The following RIMS1 variants were observed in gnomAD, a reference collection of about 807,000 sequenced individuals.
RIMS1 encodes regulating synaptic membrane exocytosis protein 1.
Under a neutral mutation model 214.1 loss-of-function variants are expected in RIMS1, and 83 were observed. The observed-to-expected ratio is 0.39, with a 90% CI of 0.32 to 0.47. The LOEUF (loss-of-function observed/expected upper bound fraction) is 0.47. Among genes scored for constraint, RIMS1 ranks in the 20% least tolerant of loss-of-function variants. The pLI is 0.99. For synonymous variants in RIMS1, 793 were observed against 786.8 expected, an observed-to-expected ratio of 1.01 and a Z score of -0.13; for missense variants, 2,050 against 2,161.8, an observed-to-expected ratio of 0.95 and a Z score of 1.03.
intron 29 of RIMS1, among the ~76,000 whole-genome samples, chr6:72,363,836 G>T (rs987901132): frequency 2.6e-5 from 4 of 152,160 alleles, no homozygotes; most frequent in African/African-American, 9.7e-5. Context: ...GTATTAAAAA[G>T]CTCCTTCTCA....
chr6:72,197,307 T>A (rs2051153128), intron 6 of RIMS1, among the ~76,000 whole-genome samples: 1 of 152,032 alleles, frequency 6.6e-6, no homozygotes, highest in Non-Finnish European at 1.5e-5. Flanking sequence ...ATTTTAAATG[T>A]GAATGAACAA....
intron 4 of RIMS1, among the ~76,000 whole-genome samples, chr6:72,108,627 A>G (rs949499516): frequency 6.6e-6 from 1 of 151,882 alleles, no homozygotes; most frequent in African/African-American, 2.4e-5. Flanking sequence ...ATTTTTCCCA[A>G]TCTATATTTG....
At chr6:72,378,385 T>C (rs2098426617) in intron 29 of RIMS1, among the ~76,000 whole-genome samples, 1 of 152,196 alleles carries the variant, frequency 6.6e-6, no homozygotes, top group Non-Finnish European at 1.5e-5. Context: ...ATCTATTCCA[T>C]TTTACAGAAT....
chr6:72,204,594 C>T (rs2052588973), intron 6 of RIMS1, among the ~76,000 whole-genome samples: 1 of 152,204 alleles, frequency 6.6e-6, no homozygotes, highest in African/African-American at 2.4e-5. Context: ...TCTCCTCAAT[C>T]GTTCTCTTTG....
intron 1 of RIMS1, among the ~76,000 whole-genome samples, chr6:71,968,206 T>G (rs1455804678): frequency 1.3e-5 from 2 of 152,228 alleles, no homozygotes; most frequent in Non-Finnish European, 2.9e-5. Context: ...CATCCTCAGA[T>G]GGAGGTGTTT....
intron 2 of RIMS1, among the ~76,000 whole-genome samples, chr6:72,089,419 T>C (rs544380968): frequency 2.0e-5 from 3 of 152,222 alleles, no homozygotes; most frequent in African/African-American, 4.8e-5. Flanking sequence ...TTCTGCGGCT[T>C]CCTGATTGAG....
At chr6:71,949,125 G>T (rs1561947989) in intron 1 of RIMS1, among the ~76,000 whole-genome samples, 1 of 152,148 alleles carries the variant, frequency 6.6e-6, no homozygotes, top group Non-Finnish European at 1.5e-5. Context: ...GTGCTTATGG[G>T]TGTATTTTTA....
chr6:72,005,201 G>T (rs1409979597), intron 2 of RIMS1, among the ~76,000 whole-genome samples: 1 of 152,172 alleles, frequency 6.6e-6, no homozygotes, highest in Non-Finnish European at 1.5e-5. Flanking sequence ...CGTTATTTCT[G>T]AGGGCTCTGT....
chr6:72,079,590 G>A (rs1015685807), intron 2 of RIMS1, among the ~76,000 whole-genome samples: 1 of 152,124 alleles, frequency 6.6e-6, no homozygotes, highest in Admixed American at 6.6e-5. Flanking sequence ...ACAGTATGAA[G>A]CAGAAAAATA....
At chr6:72,329,685 T>C (rs1423068156) in intron 28 of RIMS1, among the ~76,000 whole-genome samples, 1 of 151,648 alleles carries the variant, frequency 6.6e-6, no homozygotes, top group Non-Finnish European at 1.5e-5. Flanking sequence ...CACAAGCATG[T>C]TAGGGAATGC....
At chr6:71,932,980 G>C (rs1365030776) in intron 1 of RIMS1, among the ~76,000 whole-genome samples, 1 of 152,100 alleles carries the variant, frequency 6.6e-6, no homozygotes, top group East Asian at 1.9e-4. Flanking sequence ...TGCTGTTCTA[G>C]GCATTAAAGG....
intron 31 of RIMS1, among the ~76,000 whole-genome samples, chr6:72,397,032 T>C (rs2098787468): frequency 6.6e-6 from 1 of 151,800 alleles, no homozygotes; most frequent in Admixed American, 6.6e-5. Context: ...AATAAATAAA[T>C]AAAGCTTAAA....
At position 72,182,653 on chromosome 6, in the gene RIMS1, G is replaced by A; in HGVS notation, c.1182G>A (p.Ala394=). ...ACGAGCGGCGCCACAGCGACGTGGCGCTCCCGCGCACCGAGGCGGGCGCGG... is the reference window on the plus strand; with the variant it reads ...ACGAGCGGCGCCACAGCGACGTGGCACTCCCGCGCACCGAGGCGGGCGCGG... ...ARHERRHSDV[A]LPRTEAGAAL... Residue 394 remains alanine, a synonymous_variant, in exon 6 of 34, where the codon GCG becomes GCA. Coordinates refer to ENST00000521978, the MANE Select transcript of RIMS1 (RefSeq NM_014989.7). 6.6e-7 allele frequency: 1 copy of A among 1,521,986 alleles called. No individual in the cohort carries two copies. The highest frequency in any genetic ancestry group is 8.8e-7 in the Non-Finnish European group (1 of 1,134,558). The allele number at this position is 1,521,986 out of a possible 1,614,324, so 94.3% of individuals were successfully genotyped here.
intron 29 of RIMS1, among the ~76,000 whole-genome samples, chr6:72,367,239 G>A (rs959064814): frequency 1.3e-5 from 2 of 152,118 alleles, no homozygotes; most frequent in Admixed American, 6.5e-5. Flanking sequence ...GTATCATAAA[G>A]TTATATTTTT....
intron 1 of RIMS1, among the ~76,000 whole-genome samples, chr6:71,946,957 C>T (rs1788009672): frequency 1.3e-5 from 2 of 152,030 alleles, no homozygotes; most frequent in Non-Finnish European, 2.9e-5. Context: ...AGATAAATAA[C>T]CTGATTAAAA....
chr6:71,992,529 C>CTCCT, intron 2 of RIMS1, among the ~76,000 whole-genome samples: 1 of 147,112 alleles, frequency 6.8e-6, no homozygotes, highest in African/African-American at 2.5e-5. Flanking sequence ...CTTCCTCCTC[C>CTCCT]CCTCCTCCTC....
intron 1 of RIMS1, among the ~76,000 whole-genome samples, chr6:71,945,625 C>T (rs781053513): frequency 6.6e-6 from 1 of 152,110 alleles, no homozygotes; most frequent in Non-Finnish European, 1.5e-5. Flanking sequence ...GATGCCCACT[C>T]ACACCACTTC....
Position 71,887,064 on chromosome 6 carries a change from C to T in RIMS1, c.41C>T (p.Thr14Met), listed in dbSNP as rs1582803774. 1.2e-6 allele frequency: 2 copies of T among 1,613,506 alleles called. No individual in the cohort carries two copies. The highest frequency in any genetic ancestry group is 1.7e-4 in the Middle Eastern group (1 of 6,056). The change falls in exon 1 of 34, where the codon ACG becomes ATG. Residue 14 changes from threonine (T) to methionine (M), a missense_variant. By Grantham distance (81) the Thr-to-Met change is moderately conservative. Around this residue, in one of 6 missense-constraint regions of RIMS1, gnomAD observed 882 missense variants for 828.9 expected, o/e 1.06. Transcript: ENST00000521978. Reference sequence around the variant, plus strand: ...GGGCCCCGCGGTCCTCGCCCACCCACGGTGCCTCCCCCCATGCAAGAGCTG... The same window carrying T: ...GGGCCCCGCGGTCCTCGCCCACCCATGGTGCCTCCCCCCATGCAAGAGCTG... ...AVGPRGPRPP[T>M]VPPPMQELPD...
chr6:72,141,727 T>C (rs1232088054), intron 4 of RIMS1, among the ~76,000 whole-genome samples: 1 of 152,010 alleles, frequency 6.6e-6, no homozygotes, highest in African/African-American at 2.4e-5. Context: ...TGTTTAAGCA[T>C]AGTGAAAAAA....
Sources: allele counts gnomAD v4.1 joint callset (sites outside exome capture counted in the v4.1 genomes callset), GRCh38; gene constraint gnomAD v4.1.1; regional missense constraint gnomAD v4.1.1; transcripts MANE v1.5; gene names NCBI Gene and HGNC (gene_info 2026-07-23, HGNC 2026-07-21).